The following ERC1 variants were observed in gnomAD, a reference collection of about 807,000 sequenced individuals.
The protein encoded by ERC1 is ELKS/RAB6-interacting/CAST family member 1.
ERC1 carries 56 observed loss-of-function variants against 132.0 expected under a neutral mutation model. The ratio of observed to expected loss-of-function variants is 0.42; its 90% CI spans 0.34 to 0.53. The LOEUF (loss-of-function observed/expected upper bound fraction) is 0.53. Ranked by LOEUF, ERC1 falls within the 20% of genes least tolerant of loss-of-function variation. The pLI is 0.03. For missense variants in ERC1, 1,202 were observed against 1,349.9 expected, an observed-to-expected ratio of 0.89 and a Z score of 1.72; for synonymous variants, 478 against 476.1, an observed-to-expected ratio of 1.00 and a Z score of -0.05.
intron 10 of ERC1, among the ~76,000 whole-genome samples, 159 bp from the exon 11 acceptor site, chr12:1,183,122 C>T (rs1430152840): frequency 6.6e-6 from 1 of 152,068 alleles, no homozygotes; most frequent in African/African-American, 2.4e-5. Context: ...AAAGCTAGAG[C>T]TAATATTGTT....
chr12:1,263,969 C>T (rs1160884362), intron 14 of ERC1, among the ~76,000 whole-genome samples: 3 of 151,398 alleles, frequency 2.0e-5, no homozygotes, highest in Non-Finnish European at 2.9e-5. Context: ...GGATTACAGG[C>T]GTGAGCCACT....
chr12:1,064,625 C>G (rs1194476443), intron 2 of ERC1, among the ~76,000 whole-genome samples: 1 of 152,044 alleles, frequency 6.6e-6, no homozygotes, highest in African/African-American at 2.4e-5. Flanking sequence ...AACTCCTGGC[C>G]TCAAAGAATC....
intron 15 of ERC1, among the ~76,000 whole-genome samples, chr12:1,365,407 C>T (rs1327902710): frequency 6.6e-6 from 1 of 152,106 alleles, no homozygotes; most frequent in Non-Finnish European, 1.5e-5. Context: ...GGAACCACCA[C>T]AACAGATAGA....
At chr12:1,054,190 G>A (rs182137792) in intron 2 of ERC1, among the ~76,000 whole-genome samples, 1 of 152,126 alleles carries the variant, frequency 6.6e-6, no homozygotes, top group Non-Finnish European at 1.5e-5. Context: ...TGTATTCAAA[G>A]TTTGTACTAT....
intron 7 of ERC1, among the ~76,000 whole-genome samples, chr12:1,130,842 C>T (rs1324116795): frequency 6.6e-6 from 1 of 152,116 alleles, no homozygotes; most frequent in Non-Finnish European, 1.5e-5. Context: ...AGCATTCAGC[C>T]TCCCATCTAG....
chr12:1,191,698 T>C (rs1300236410), intron 12 of ERC1, among the ~76,000 whole-genome samples: 3 of 152,206 alleles, frequency 2.0e-5, no homozygotes, highest in Non-Finnish European at 4.4e-5. Context: ...AGCCACTGTA[T>C]TTCTCACATT....
chr12:1,060,901 G>A (rs1209987338), intron 2 of ERC1, among the ~76,000 whole-genome samples: 8 of 150,732 alleles, frequency 5.3e-5, no homozygotes, highest in Admixed American at 3.3e-4. Context: ...AATTTTTTTT[G>A]CATTTTTAGT....
intron 12 of ERC1, among the ~76,000 whole-genome samples, chr12:1,200,118 G>A (rs1225984305): frequency 1.3e-5 from 2 of 152,084 alleles, no homozygotes; most frequent in African/African-American, 4.8e-5. Flanking sequence ...TTCTTTTAAA[G>A]ATTTCACAAC....
Position 1,142,464 on chromosome 12 carries a change from TATGTC to T in ERC1, c.1737+679_1737+683del, listed in dbSNP as rs1248864987. ...ATGTTGTACATGTTTAGTTTATACATATGTCAAGTCAAGTATATTTCTAGGATAAA... is the reference window on the plus strand; with the variant it reads ...ATGTTGTACATGTTTAGTTTATACATAAGTCAAGTATATTTCTAGGATAAA... On this transcript the variant is annotated intron_variant, in intron 8 of 18. Transcript: ENST00000360905. 3.9e-5 allele frequency among the ~76,000 whole-genome samples: 6 copies of T among 152,340 alleles called. No homozygotes were observed. The South Asian group carries it at 1.0e-3, about 26-fold the overall frequency.
chr12:1,259,721 C>T (rs1024914496), intron 13 of ERC1, among the ~76,000 whole-genome samples: 1 of 152,024 alleles, frequency 6.6e-6, no homozygotes, highest in African/African-American at 2.4e-5. Flanking sequence ...GACGGGGTTT[C>T]ACCATGTTGG....
chr12:1,401,082 C>T (rs1258610221), intron 16 of ERC1, among the ~76,000 whole-genome samples: 1 of 151,166 alleles, frequency 6.6e-6, no homozygotes, highest in Non-Finnish European at 1.5e-5. Flanking sequence ...ACTACAGACG[C>T]CCACCGCTGC....
chr12:1,416,025 C>T (rs375639034), intron 17 of ERC1, among the ~76,000 whole-genome samples: 44 of 152,214 alleles, frequency 2.9e-4, no homozygotes, highest in African/African-American at 1.0e-3. Context: ...GGACAGACTC[C>T]AGACCCCCTG....
intron 13 of ERC1, among the ~76,000 whole-genome samples, chr12:1,238,363 G>A (rs2075568338): frequency 6.6e-6 from 1 of 151,978 alleles, no homozygotes; most frequent in Non-Finnish European, 1.5e-5. Context: ...CATTTTGAGA[G>A]TATATATTTA....
At chr12:1,119,820 G>T (rs1169753646) in intron 7 of ERC1, among the ~76,000 whole-genome samples, 1 of 151,952 alleles carries the variant, frequency 6.6e-6, no homozygotes, top group Non-Finnish European at 1.5e-5. Flanking sequence ...AAAGTGCTGG[G>T]ATTACAGGTG....
intron 12 of ERC1, among the ~76,000 whole-genome samples, chr12:1,213,589 TGCCTGGTTGTGGTGGTGGGCACCTGTG>T (rs1311381280): frequency 1.3e-5 from 2 of 151,766 alleles, no homozygotes; most frequent in Admixed American, 1.3e-4. Flanking sequence ...ATACAGAAAC[TGCCTGGTTGTGGTGGTGGGCACCTGTG>T]GTCTTAGCTA....
chr12:1,150,385 A>G (rs150187145), intron 8 of ERC1, among the ~76,000 whole-genome samples: 1 of 152,214 alleles, frequency 6.6e-6, no homozygotes, highest in Non-Finnish European at 1.5e-5. Flanking sequence ...TAGGGAAAGG[A>G]TGAATTCAAA....
chr12:1,021,388 C>T (rs1435298414), intron 1 of ERC1, among the ~76,000 whole-genome samples: 1 of 152,016 alleles, frequency 6.6e-6, no homozygotes, highest in Non-Finnish European at 1.5e-5. Context: ...GGACAAAGAG[C>T]AGGCCTACTT....
intron 12 of ERC1, among the ~76,000 whole-genome samples, chr12:1,201,139 G>A (rs1166541089): frequency 2.6e-5 from 4 of 152,112 alleles, no homozygotes; most frequent in Non-Finnish European, 4.4e-5. Context: ...TTAAACAAAA[G>A]TGTAGATAAC....
intron 1 of ERC1, among the ~76,000 whole-genome samples, chr12:1,010,015 T>A (rs1964415953): frequency 6.6e-6 from 1 of 152,220 alleles, no homozygotes; most frequent in Non-Finnish European, 1.5e-5. Context: ...TCTCTTTGGA[T>A]ACTTCTAAAT....
Sources: gnomAD v4.1 joint callset for allele counts (sites outside exome capture counted in the v4.1 genomes callset) on GRCh38, gnomAD v4.1.1 for gene constraint, MANE v1.5 for transcripts, NCBI Gene and HGNC (gene_info 2026-07-23, HGNC 2026-07-21) for gene names.